USP37: variants seen among roughly 807,000 people sequenced by gnomAD.
USP37 encodes the protein ubiquitin carboxyl-terminal hydrolase 37.
A neutral mutation model predicts 124.0 loss-of-function variants in USP37; 27 were observed. That is an observed-to-expected ratio of 0.22 (90% CI 0.16 to 0.30). The LOEUF (loss-of-function observed/expected upper bound fraction) is 0.30. USP37 is among the 10% of genes least tolerant of loss of function. The pLI is 1.00. For missense variants in USP37, 889 were observed against 1,140.4 expected, an observed-to-expected ratio of 0.78 and a Z score of 3.17; for synonymous variants, 365 against 388.0, an observed-to-expected ratio of 0.94 and a Z score of 0.70.
intron 4 of USP37, among the ~76,000 whole-genome samples, chr2:218,554,622 C>A (rs1160445934): frequency 1.3e-5 from 2 of 152,070 alleles, no homozygotes; most frequent in Non-Finnish European, 2.9e-5. Context: ...TGGAGCACAC[C>A]TGTAGTCCCA....
rs544338306 is a variant in USP37 at position 218,455,823 on chromosome 2, G to A, written c.2714-105C>T. The A allele has an allele frequency of 1.4e-4, 166 of 1,221,532 alleles. 2 individuals are homozygous for A. In the Middle Eastern group the frequency reaches 1.5e-3, roughly 11 times the overall value. 75.7% of individuals were successfully genotyped at this position (1,221,532 alleles called of 1,614,324 possible). On this transcript the variant is annotated intron_variant, in intron 24 of 25. Coordinates refer to ENST00000258399, the MANE Select transcript of USP37 (RefSeq NM_020935.3). ...AGCACTTTGGGAGGCTGAGGCAGGC[G>A]GATCACGAGGTCAGGAGTTTGAGAC...
intron 17 of USP37, among the ~76,000 whole-genome samples, chr2:218,481,021 T>A (rs1337086726): frequency 6.6e-6 from 1 of 152,226 alleles, no homozygotes; most frequent in African/African-American, 2.4e-5. Flanking sequence ...CTTAAGGGTT[T>A]GGACAAAAAC....
intron 9 of USP37, among the ~76,000 whole-genome samples, chr2:218,533,992 C>CT (rs1458852193): frequency 6.6e-6 from 1 of 152,218 alleles, no homozygotes; most frequent in Admixed American, 6.5e-5. Flanking sequence ...CACTGATGCA[C>CT]TTTAATTTCA....
Position 218,455,568 on chromosome 2 carries a change from A to G in USP37, c.2852+12T>C. The G allele has an allele frequency of 6.3e-7, 1 of 1,591,254 alleles. No individual in the cohort carries two copies. The highest frequency in any genetic ancestry group is 1.2e-5 in the South Asian group (1 of 86,148). On this transcript the variant is annotated intron_variant, in intron 25 of 25. Coordinates refer to ENST00000258399, the MANE Select transcript of USP37 (RefSeq NM_020935.3). The stretch of plus-strand genomic sequence containing the variant: ...TCTAACTCATTATTTAGAATCTGGC[A>G]AAGTTTCTTACTTGTGCATATAAAA...
At chr2:218,481,377 G>A (rs1015135991) in intron 17 of USP37, among the ~76,000 whole-genome samples, 5 of 152,076 alleles carry the variant, frequency 3.3e-5, no homozygotes, top group African/African-American at 1.2e-4. Flanking sequence ...TGATTCCTAA[G>A]CGCCTATCTC....
At chr2:218,478,270 T>TC (rs1164240213) in intron 18 of USP37, among the ~76,000 whole-genome samples, 1 of 152,142 alleles carries the variant, frequency 6.6e-6, no homozygotes, top group Non-Finnish European at 1.5e-5. Flanking sequence ...TTGAAAAGCC[T>TC]CCCATGTGCT....
At chr2:218,510,765 G>C (rs1426125964) in intron 10 of USP37, among the ~76,000 whole-genome samples, 1 of 152,146 alleles carries the variant, frequency 6.6e-6, no homozygotes, top group Non-Finnish European at 1.5e-5. Context: ...GGCCAAGGTG[G>C]GCGGATTGCT....
chr2:218,564,755 G>A (rs1319425705), intron 1 of USP37, among the ~76,000 whole-genome samples: 1 of 152,006 alleles, frequency 6.6e-6, no homozygotes, highest in Non-Finnish European at 1.5e-5. Flanking sequence ...GTGCTAAATG[G>A]TTGCCATTGA....
intron 20 of USP37, among the ~76,000 whole-genome samples, chr2:218,468,040 A>G (rs754737081): frequency 2.7e-5 from 4 of 147,904 alleles, no homozygotes; most frequent in Non-Finnish European, 4.5e-5. Flanking sequence ...GGTGTTCACC[A>G]CCACACCTGG....
In USP37 at chr2:218,560,869, C is replaced by T. The variant is rs182837434; in HGVS notation, c.-74G>A. 46 of 152,276 alleles carry T rather than the reference C, an allele frequency of 3.0e-4. 1 individual carries two copies. The East Asian group carries it at 7.9e-3, about 26-fold the overall frequency. The allele number at this position is 152,276 out of a possible 1,614,324, so 9.4% of individuals were successfully genotyped here. A position where few individuals can be genotyped will look rare whatever the true frequency, so the allele number is the denominator to read the frequency against. ...GCCCCTAGTTGGAGGTCTCTGGTTA[C>T]TGTATGGCAAATAACTGAAGATAAA... On this transcript the variant is annotated 5_prime_UTR_variant, in exon 3 of 26. Transcript: ENST00000258399.
rs914827034 is a variant in USP37, at chr2:218,496,629, C to A, written c.1282-679G>T. Among the ~76,000 whole-genome samples the A allele has an allele frequency of 1.7e-3, 42 of 24,516 alleles. 1 individual carries two copies. Among genetic ancestry groups the A allele is most frequent in the African/African-American group, 5.0e-3 (37 of 7,462 alleles). The allele number at this position is 24,516 out of a possible 152,430, so 16.1% of individuals were successfully genotyped here. A position where few individuals can be genotyped will look rare whatever the true frequency, so the allele number is the denominator to read the frequency against. On this transcript the variant is annotated intron_variant, in intron 13 of 25. Transcript: ENST00000258399. ...TGAAGAGTCACATTTAATCTTACTA[C>A]AGCTCCTTAGGTTTTTCTTTCTTTC...
Position 218,565,269 on chromosome 2 carries a change from T to C in USP37, c.-229-2456A>G, listed in dbSNP as rs189871332. On this transcript the variant is annotated intron_variant, in intron 1 of 25. Transcript: ENST00000258399. Reference sequence around the variant, plus strand: ...CATTCACCAACAACTGACTTAAATATGGAATTTTGCTTTATTTATGGAAAT... The same window carrying C: ...CATTCACCAACAACTGACTTAAATACGGAATTTTGCTTTATTTATGGAAAT... Among the ~76,000 whole-genome samples the C allele has an allele frequency of 9.2e-5, 14 of 152,358 alleles. No individual in the cohort carries two copies. The East Asian group carries it at 1.5e-3, about 17-fold the overall frequency.
chr2:218,526,241 T>A (rs1365812549), intron 10 of USP37, among the ~76,000 whole-genome samples: 1 of 149,420 alleles, frequency 6.7e-6, no homozygotes, highest in African/African-American at 2.5e-5. Context: ...TATTTATTTA[T>A]TTTTTTTTTT....
At chr2:218,497,949 T>G in intron 12 of USP37, 77 bp downstream of exon 12, 9 of 1,571,016 alleles carry the variant, frequency 5.7e-6, no homozygotes, top group Non-Finnish European at 7.7e-6. Flanking sequence ...CAGAAAATTT[T>G]TGAGTGTCTA....
chr2:218,459,397 G>C (rs763449581), intron 23 of USP37, among the ~76,000 whole-genome samples: 55 of 151,660 alleles, frequency 3.6e-4, no homozygotes, highest in Non-Finnish European at 7.1e-4. Context: ...TAGAGACAGG[G>C]TTTCACCATG....
At position 218,467,969 on chromosome 2, in the gene USP37, C is replaced by A. The variant is rs575342608; in HGVS notation, c.2300-1793G>T. Among the ~76,000 whole-genome samples the A allele has an allele frequency of 1.1e-4, 17 of 151,370 alleles. No individual in the cohort carries two copies. In the South Asian group the frequency reaches 1.7e-3, roughly 15 times the overall value. On this transcript the variant is annotated intron_variant, in intron 20 of 25. Transcript: ENST00000258399. ...GCGGCACAATATCCGCTCACTGCAA[C>A]CTCCACCTTCTAGGTTCAAGCGATT...
At chr2:218,467,315 ATATCTATC>A (rs55656029) in intron 20 of USP37, among the ~76,000 whole-genome samples, 41,397 of 141,578 alleles carry the variant, frequency 0.29, 6,749 homozygotes, top group Non-Finnish European at 0.37. Flanking sequence ...CAGCTAATCT[ATATCTATC>A]TATCTATCTA....
intron 1 of USP37, among the ~76,000 whole-genome samples, chr2:218,566,700 T>A (rs1330856826): frequency 6.6e-6 from 1 of 152,228 alleles, no homozygotes; most frequent in Non-Finnish European, 1.5e-5. Flanking sequence ...ACTATTTCCA[T>A]TTTACAGATG....
At chr2:218,522,700 G>A (rs556928057) in intron 10 of USP37, among the ~76,000 whole-genome samples, 1 of 150,902 alleles carries the variant, frequency 6.6e-6, no homozygotes, top group African/African-American at 2.4e-5. Flanking sequence ...CTTGAGCTTT[G>A]TTTACTTAGG....
Sources: allele counts gnomAD v4.1 joint callset (sites outside exome capture counted in the v4.1 genomes callset), GRCh38; gene constraint gnomAD v4.1.1; transcripts MANE v1.5; gene names NCBI Gene and HGNC (gene_info 2026-07-23, HGNC 2026-07-21).